Variants in ALK observed in about 807,000 individuals in gnomAD.
ALK encodes the protein ALK receptor tyrosine kinase, also known as ALK tyrosine kinase receptor.
In ALK, 74 loss-of-function variants were observed where a neutral mutation model predicts 163.1. The ratio of observed to expected loss-of-function variants is 0.45; its 90% CI spans 0.38 to 0.55. The LOEUF (loss-of-function observed/expected upper bound fraction) is 0.55, where lower values mean the gene tolerates loss of function less well. ALK is among the 20% of genes least tolerant of loss of function. The pLI, the probability that ALK is intolerant of heterozygous loss-of-function variation, is 0.00. For synonymous variants in ALK, 960 were observed against 843.2 expected, an observed-to-expected ratio of 1.14 and a Z score of -2.40; for missense variants, 2,063 against 2,105.3, an observed-to-expected ratio of 0.98 and a Z score of 0.39.
At chr2:29,720,503 G>C (rs1014664881) in intron 1 of ALK, among the ~76,000 whole-genome samples, 1 of 152,176 alleles carries the variant, frequency 6.6e-6, no homozygotes, top group Admixed American at 6.5e-5. Flanking sequence ...TGATAAGCCG[G>C]ATGAGGCTAG....
At chr2:29,659,604 G>A (rs1392551924) in intron 3 of ALK, among the ~76,000 whole-genome samples, 1 of 152,142 alleles carries the variant, frequency 6.6e-6, no homozygotes, top group African/African-American at 2.4e-5. Flanking sequence ...TCTCAGGGCT[G>A]GGGCTGGACC....
intron 1 of ALK, among the ~76,000 whole-genome samples, chr2:29,858,728 G>A (rs1012187164): frequency 6.6e-6 from 1 of 151,780 alleles, no homozygotes; most frequent in Non-Finnish European, 1.5e-5. Flanking sequence ...GGGCGACAGA[G>A]CAAGACTCCA....
chr2:29,578,172 A>G (rs185569229), intron 3 of ALK, among the ~76,000 whole-genome samples: 131 of 151,872 alleles, frequency 8.6e-4, no homozygotes, highest in Admixed American at 2.0e-3. Context: ...ACGAGATCTG[A>G]TGGTTTTAAA....
intron 1 of ALK, among the ~76,000 whole-genome samples, chr2:29,866,120 A>G (rs867691073): frequency 6.6e-6 from 1 of 152,214 alleles, no homozygotes; most frequent in Admixed American, 6.5e-5. Flanking sequence ...GAGAAAGACA[A>G]GGGCATGGGA....
chr2:29,490,454 G>A (rs996523121), intron 4 of ALK, among the ~76,000 whole-genome samples: 3 of 152,216 alleles, frequency 2.0e-5, no homozygotes, highest in African/African-American at 7.2e-5. Context: ...CTAGATCAGC[G>A]GCATCAGCAT....
Position 29,920,906 on chromosome 2 carries a change from C to A in ALK, c.-247G>T. 1.8e-6 allele frequency: 1 copy of A among 547,336 alleles called. No individual in the cohort carries two copies. Among genetic ancestry groups the A allele is most frequent in the East Asian group, 3.1e-5 (1 of 32,772 alleles). 33.9% of individuals were successfully genotyped at this position (547,336 alleles called of 1,614,324 possible). A position where few individuals can be genotyped will look rare whatever the true frequency, so the allele number is the denominator to read the frequency against. ...GAGACACTCAAGCACACTGGGCTCA[C>A]TGGCTGGGACCTTGAGCCTCCCGCT... On this transcript the variant is annotated 5_prime_UTR_variant, in exon 1 of 29. Coordinates refer to ENST00000389048, the MANE Select transcript of ALK (RefSeq NM_004304.5).
At chr2:29,656,178 C>T (rs1677179979) in intron 3 of ALK, among the ~76,000 whole-genome samples, 1 of 152,054 alleles carries the variant, frequency 6.6e-6, no homozygotes, top group South Asian at 2.1e-4. Flanking sequence ...TAAATTTTTA[C>T]ATTAAATACT....
chr2:29,682,183 A>C (rs1573552154), intron 3 of ALK, among the ~76,000 whole-genome samples: 2 of 152,178 alleles, frequency 1.3e-5, no homozygotes, highest in Non-Finnish European at 2.9e-5. Context: ...AGGAGGGAAG[A>C]GGAAGAGAGA....
intron 1 of ALK, among the ~76,000 whole-genome samples, chr2:29,886,143 T>A (rs1666979406): frequency 6.6e-6 from 1 of 152,240 alleles, no homozygotes; most frequent in Non-Finnish European, 1.5e-5. Flanking sequence ...ATAGTTGTGT[T>A]AATAACATTT....
chr2:29,455,407 T>G (rs1039013384), intron 4 of ALK, among the ~76,000 whole-genome samples: 1 of 152,164 alleles, frequency 6.6e-6, no homozygotes, highest in African/African-American at 2.4e-5. Context: ...CTGATCAGCT[T>G]GGAGACTTCT....
In ALK at chr2:29,251,221, G is replaced by T; in HGVS notation, c.2088C>A (p.Pro696=). ...TTCGASGPHG[P]TQAQCNNAYQ... ...AGGCGTTGTTGCACTGTGCCTGGGT[G>T]GGGCCATGGGGCCCGCTGGCCCCAC... The change falls in exon 12 of 29, where the codon CCC becomes CCA. Residue 696 remains proline, a synonymous_variant. Transcript: ENST00000389048. The T allele has an allele frequency of 6.2e-7, 1 of 1,614,062 alleles. No homozygotes were observed. The highest frequency in any genetic ancestry group is 8.5e-7 in the Non-Finnish European group (1 of 1,179,992).
chr2:29,856,419 C>T (rs906037344), intron 1 of ALK, among the ~76,000 whole-genome samples: 1 of 152,182 alleles, frequency 6.6e-6, no homozygotes, highest in African/African-American at 2.4e-5. Flanking sequence ...GTGAAAGCAG[C>T]TAATGTGTAC....
At chr2:29,329,860 G>T (rs1194913019) in intron 5 of ALK, among the ~76,000 whole-genome samples, 2 of 152,192 alleles carry the variant, frequency 1.3e-5, no homozygotes, top group Non-Finnish European at 2.9e-5. Flanking sequence ...AGGTCTTAAT[G>T]ATGTCCATTT....
chr2:29,402,209 C>T (rs1013936488), intron 4 of ALK, among the ~76,000 whole-genome samples: 1 of 152,244 alleles, frequency 6.6e-6, no homozygotes, highest in African/African-American at 2.4e-5. Flanking sequence ...TACACAGCTG[C>T]TCTGGGTCAG....
intron 8 of ALK, among the ~76,000 whole-genome samples, chr2:29,314,659 T>C (rs1354702550): frequency 6.6e-6 from 1 of 152,158 alleles, no homozygotes; most frequent in Non-Finnish European, 1.5e-5. Flanking sequence ...AAAAACTGCT[T>C]CCATGCCTTG....
intron 4 of ALK, among the ~76,000 whole-genome samples, chr2:29,466,326 TAC>T (rs1671212315): frequency 6.6e-6 from 1 of 151,830 alleles, no homozygotes; most frequent in African/African-American, 2.4e-5. Flanking sequence ...GGGAACCACA[TAC>T]ACACACACAC....
chr2:29,532,972 G>A (rs574148993), intron 3 of ALK, among the ~76,000 whole-genome samples: 1 of 152,300 alleles, frequency 6.6e-6, no homozygotes, highest in South Asian at 2.1e-4. Context: ...TCCTTCTGCA[G>A]ATAACCCAGT....
At chr2:29,908,654 T>G (rs954266321) in intron 1 of ALK, among the ~76,000 whole-genome samples, 4 of 152,200 alleles carry the variant, frequency 2.6e-5, no homozygotes, top group Admixed American at 6.5e-5. Context: ...TCAGAGAAAC[T>G]TTACCTCTCC....
intron 1 of ALK, among the ~76,000 whole-genome samples, chr2:29,811,441 A>G (rs1265508906): frequency 2.0e-5 from 3 of 152,194 alleles, no homozygotes; most frequent in African/African-American, 7.2e-5. Flanking sequence ...CCATGTCTCA[A>G]GAGAAGAGGA....
Sources: allele counts gnomAD v4.1 joint callset (sites outside exome capture counted in the v4.1 genomes callset), GRCh38; gene constraint gnomAD v4.1.1; transcripts MANE v1.5; gene names NCBI Gene and HGNC (gene_info 2026-07-23, HGNC 2026-07-21).